Variants in SNX10 observed in about 807,000 individuals in gnomAD.
SNX10 encodes the protein sorting nexin-10.
In SNX10, 25 loss-of-function variants were observed where a neutral mutation model predicts 28.5. That is an observed-to-expected ratio of 0.88 (90% CI 0.64 to 1.22). The LOEUF (loss-of-function observed/expected upper bound fraction) is 1.22, where lower values mean the gene tolerates loss of function less well. Ranked by LOEUF, SNX10 falls within the 50% of genes most tolerant of loss-of-function variation. The pLI is 0.00. For missense variants in SNX10, 223 were observed against 242.6 expected (o/e 0.92, Z 0.54); for synonymous variants, 62 against 81.4 (o/e 0.76, Z 1.28).
chr7:26,309,362 A>C (rs1786728921), intron 1 of SNX10, among the ~76,000 whole-genome samples: 1 of 126,898 alleles, frequency 7.9e-6, no homozygotes, highest in African/African-American at 2.8e-5. Flanking sequence ...GTGTTACTTA[A>C]TCATCCAAAA....
At chr7:26,341,978 CTT>C (rs141525275) in intron 1 of SNX10, among the ~76,000 whole-genome samples, 26,272 of 130,934 alleles carry the variant, frequency 0.2, 2,995 homozygotes, top group East Asian at 0.43. Flanking sequence ...TGTTTCTCTT[CTT>C]TCTCTCTCTC....
intron 1 of SNX10, among the ~76,000 whole-genome samples, chr7:26,306,647 C>T (rs960729727): frequency 6.6e-6 from 1 of 152,044 alleles, no homozygotes; most frequent in Non-Finnish European, 1.5e-5. Flanking sequence ...GTGATCCACC[C>T]GCCTCAGCCT....
At position 26,311,410 on chromosome 7, in the gene SNX10, A is replaced by G. The variant is rs370405111; in HGVS notation, c.-24+19324A>G. Reference sequence around the variant, plus strand: ...AAGCGATTCTCCCGCCTCGGCCTCCAAAAGTGCCACTGCACCTGGCCAGTG... The same window carrying G: ...AAGCGATTCTCCCGCCTCGGCCTCCGAAAGTGCCACTGCACCTGGCCAGTG... On this transcript the variant is annotated intron_variant, in intron 1 of 6. Transcript: ENST00000338523. Among the ~76,000 whole-genome samples, 7 of 152,246 alleles carry G rather than the reference A, an allele frequency of 4.6e-5. No homozygotes were observed. The South Asian group carries it at 8.3e-4, about 18-fold the overall frequency.
At chr7:26,339,144 A>T (rs1328716696) in intron 1 of SNX10, among the ~76,000 whole-genome samples, 1 of 152,224 alleles carries the variant, frequency 6.6e-6, no homozygotes, top group Non-Finnish European at 1.5e-5. Context: ...CATGAACTGA[A>T]TTCCTTCCCG....
intron 1 of SNX10, among the ~76,000 whole-genome samples, chr7:26,343,552 A>G (rs1415211791): frequency 6.6e-6 from 1 of 152,214 alleles, no homozygotes; most frequent in East Asian, 1.9e-4. Context: ...AGTTAATGGC[A>G]CCAGGGGACT....
intron 6 of SNX10, 167 bp downstream of exon 6, chr7:26,372,200 ATAG>A: frequency 6.6e-6 from 4 of 608,894 alleles, no homozygotes; most frequent in Admixed American, 3.0e-5. Flanking sequence ...ACAGCTCATC[ATAG>A]TAGTCTTCAC....
At chr7:26,328,687 T>C (rs1787605980) in intron 1 of SNX10, among the ~76,000 whole-genome samples, 1 of 152,054 alleles carries the variant, frequency 6.6e-6, no homozygotes, top group Admixed American at 6.6e-5. Flanking sequence ...ACCAAGAATA[T>C]GCCACTGTCT....
intron 1 of SNX10, among the ~76,000 whole-genome samples, chr7:26,315,449 A>G (rs1399667944): frequency 6.6e-6 from 1 of 152,116 alleles, no homozygotes; most frequent in African/African-American, 2.4e-5. Context: ...TGGGCGGATC[A>G]CAAGGTCAGG....
intron 1 of SNX10, among the ~76,000 whole-genome samples, chr7:26,311,388 C>A (rs1490667010): frequency 1.3e-5 from 2 of 151,894 alleles, no homozygotes; most frequent in Non-Finnish European, 2.9e-5. Context: ...TGGGCTCAAG[C>A]GATTCTCCCG....
chr7:26,304,391 C>A (rs1468379314), intron 1 of SNX10, among the ~76,000 whole-genome samples: 1 of 152,236 alleles, frequency 6.6e-6, no homozygotes, highest in Non-Finnish European at 1.5e-5. Context: ...CTGATCGAGT[C>A]TCTCTGGTTC....
intron 5 of SNX10, among the ~76,000 whole-genome samples, chr7:26,368,421 G>T (rs1324268875): frequency 6.6e-6 from 1 of 152,128 alleles, no homozygotes; most frequent in Non-Finnish European, 1.5e-5. Context: ...GTTATGAAAA[G>T]AAAGTTATAG....
At chr7:26,354,547 A>C (rs1335597248) in intron 2 of SNX10, among the ~76,000 whole-genome samples, 1 of 152,048 alleles carries the variant, frequency 6.6e-6, no homozygotes, top group Non-Finnish European at 1.5e-5. Context: ...TGTTTGTTTA[A>C]ATGTTTGTTT....
intron 2 of SNX10, among the ~76,000 whole-genome samples, chr7:26,353,327 ATTTTGT>A (rs1788679736): frequency 6.6e-6 from 1 of 150,548 alleles, no homozygotes; most frequent in Non-Finnish European, 1.5e-5. Context: ...TTGCCCTTCT[ATTTTGT>A]TATTTGTAAA....
At chr7:26,353,611 C>T (rs1475015294) in intron 2 of SNX10, among the ~76,000 whole-genome samples, 1 of 152,000 alleles carries the variant, frequency 6.6e-6, no homozygotes, top group Non-Finnish European at 1.5e-5. Flanking sequence ...GCCACCACAC[C>T]TGGCTAATTT....
intron 5 of SNX10, among the ~76,000 whole-genome samples, chr7:26,371,467 C>A (rs10266009): frequency 0.06 from 9,190 of 152,142 alleles, 668 homozygotes; most frequent in African/African-American, 0.18. Flanking sequence ...ATGCTGTTGG[C>A]AGTAAATTTT....
intron 1 of SNX10, among the ~76,000 whole-genome samples, chr7:26,315,409 C>T (rs1562790956): frequency 1.3e-5 from 2 of 152,164 alleles, no homozygotes. Flanking sequence ...TGGCTCATGC[C>T]TGTAATCCCA....
chr7:26,303,646 C>T (rs185143023), intron 1 of SNX10, among the ~76,000 whole-genome samples: 1 of 152,242 alleles, frequency 6.6e-6, no homozygotes. Flanking sequence ...TGTTCTGAGC[C>T]CTCTTCTTTT....
At chr7:26,365,233 C>A in intron 5 of SNX10, 88 bp downstream of exon 5, 1 of 783,346 alleles carries the variant, frequency 1.3e-6, no homozygotes, top group Non-Finnish European at 2.2e-6. Context: ...AAGAGTGTTC[C>A]TGTTTCTGAA....
At chr7:26,324,702 G>A (rs1053191492) in intron 1 of SNX10, among the ~76,000 whole-genome samples, 33 of 152,104 alleles carry the variant, frequency 2.2e-4, no homozygotes, top group Admixed American at 2.2e-3. Flanking sequence ...TGACTGAGTG[G>A]GGAATGAAGG....
Sources: gnomAD v4.1 joint callset for allele counts (sites outside exome capture counted in the v4.1 genomes callset) on GRCh38, gnomAD v4.1.1 for gene constraint, MANE v1.5 for transcripts, NCBI Gene and HGNC (gene_info 2026-07-23, HGNC 2026-07-21) for gene names.